Variants in EIF3B observed in about 807,000 individuals in gnomAD.
EIF3B encodes eukaryotic translation initiation factor 3 subunit 9.
A neutral mutation model predicts 104.6 loss-of-function variants in EIF3B; 10 were observed. The observed-to-expected ratio is 0.10, with a 90% CI of 0.06 to 0.16. The LOEUF (loss-of-function observed/expected upper bound fraction) is 0.16. Among genes scored for constraint, EIF3B ranks in the 10% least tolerant of loss-of-function variants. EIF3B has a pLI of 1.00. For synonymous variants in EIF3B, 542 were observed against 417.2 expected (o/e 1.30, Z -3.65); for missense variants, 1,014 against 1,087.9 (o/e 0.93, Z 0.96).
rs972399078 is a variant in EIF3B at position 2,355,404 on chromosome 7, C to A, written c.483C>A (p.Asp161Glu). The A allele has an allele frequency of 6.8e-7, 1 of 1,475,036 alleles. No individual in the cohort carries two copies. The highest frequency in any genetic ancestry group is 1.3e-5 in the South Asian group (1 of 77,266). 91.4% of individuals were successfully genotyped at this position (1,475,036 alleles called of 1,614,324 possible). A position where few individuals can be genotyped will look rare whatever the true frequency, so the allele number is the denominator to read the frequency against. ...TCAGCGACCCCGAGGACTTCGTGGA[C>A]GACGTGAGCGAGGAAGGTGAGGGCG... ...PSFSDPEDFV[D>E]DVSEEELLGD... is the part of the protein sequence containing the mutation. Residue 161 changes from aspartate to glutamate, a missense_variant, in exon 1 of 19, where the codon GAC becomes GAA. Transcript: ENST00000360876.
intron 6 of EIF3B, among the ~76,000 whole-genome samples, chr7:2,365,392 C>T (rs1356377940): frequency 6.6e-6 from 1 of 152,052 alleles, no homozygotes; most frequent in African/African-American, 2.4e-5. Flanking sequence ...GAACGGGGGC[C>T]ACTCTAGGGA....
In EIF3B at chr7:2,376,940, C is replaced by T. The variant is rs1159530715; in HGVS notation, c.2029-10C>T. 2 of 1,612,366 alleles carry T rather than the reference C, an allele frequency of 1.2e-6. No homozygotes were observed. The highest frequency in any genetic ancestry group is 2.7e-5 in the African/African-American group (2 of 74,876). The stretch of plus-strand genomic sequence containing the variant: ...CCTCTGTGTCCTGGTGTGTCCCTGC[C>T]CTGGCCTAGGTGGACAACGCGTACT... On this transcript the variant is annotated splice_polypyrimidine_tract_variant and intron_variant, in intron 14 of 18. Transcript: ENST00000360876.
Position 2,372,750 on chromosome 7 carries a change from G to C in EIF3B, c.1765G>C (p.Val589Leu), listed in dbSNP as rs750069365. 1 of 1,614,178 alleles carries C rather than the reference G, an allele frequency of 6.2e-7. No individual in the cohort carries two copies. Among genetic ancestry groups the C allele is most frequent in the Admixed American group, 1.7e-5 (1 of 60,022 alleles). Residue 589 changes from valine to leucine, a missense_variant, in exon 12 of 19, where the codon GTG (valine) becomes CTG (leucine). Around this residue, in one of 4 missense-constraint regions of EIF3B, gnomAD observed 266 missense variants for 324.0 expected, o/e 0.82. Transcript: ENST00000360876. ...VLHGEAPRIS[V>L]SFYHVKNNGK... ...GCACGGAGAGGCTCCGCGGATATCTGTGTCTTTCTACCACGTCAAAAACAA... is the reference window on the plus strand; with the variant it reads ...GCACGGAGAGGCTCCGCGGATATCTCTGTCTTTCTACCACGTCAAAAACAA...
chr7:2,364,714 A>G (rs1462769447), intron 6 of EIF3B, among the ~76,000 whole-genome samples, 185 bp downstream of exon 6: 1 of 152,194 alleles, frequency 6.6e-6, no homozygotes, highest in African/African-American at 2.4e-5. Context: ...TCTCCTATAC[A>G]GATATTTTTT....
intron 9 of EIF3B, among the ~76,000 whole-genome samples, chr7:2,368,041 C>A (rs1294910035): frequency 6.6e-6 from 1 of 151,404 alleles, no homozygotes; most frequent in African/African-American, 2.4e-5. Context: ...TGGGGTTTCA[C>A]TGTGTTGGCC....
chr7:2,370,134 A>G (rs979860322), intron 10 of EIF3B, among the ~76,000 whole-genome samples: 1 of 151,868 alleles, frequency 6.6e-6, no homozygotes, highest in Non-Finnish European at 1.5e-5. Flanking sequence ...TTATTTTTTT[A>G]TTTTTTTATT....
chr7:2,355,408 G>A lies in EIF3B; in HGVS notation c.487G>A (p.Val163Met). 1 of 1,472,010 alleles carries A rather than the reference G, an allele frequency of 6.8e-7. No homozygotes were observed. Among genetic ancestry groups the A allele is most frequent in the Non-Finnish European group, 9.0e-7 (1 of 1,111,696 alleles). The allele number at this position is 1,472,010 out of a possible 1,614,324, so 91.2% of individuals were successfully genotyped here. The change falls in exon 1 of 19, where the codon GTG (valine) becomes ATG (methionine). Residue 163 changes from valine to methionine, a missense_variant. This residue lies in a region of EIF3B where 488 missense variants were observed against 404.3 expected (regional missense o/e 1.21). Coordinates refer to ENST00000360876, the MANE Select transcript of EIF3B (RefSeq NM_001037283.2). ...FSDPEDFVDD[V>M]SEEELLGDVL... is the part of the protein sequence containing the mutation. ...CGACCCCGAGGACTTCGTGGACGACGTGAGCGAGGAAGGTGAGGGCGCCCG... is the reference window on the plus strand; with the variant it reads ...CGACCCCGAGGACTTCGTGGACGACATGAGCGAGGAAGGTGAGGGCGCCCG...
At chr7:2,375,229 G>T in intron 13 of EIF3B, 160 bp from the exon 14 acceptor site, 2 of 756,828 alleles carry the variant, frequency 2.6e-6, no homozygotes, top group East Asian at 2.5e-5. Context: ...CTGTGATTTG[G>T]TAAGTCTCAC....
chr7:2,380,263 G>A lies in EIF3B; in HGVS notation c.*74G>A, dbSNP rs754747525. On this transcript the variant is annotated 3_prime_UTR_variant, in exon 19 of 19. Transcript: ENST00000360876. ...TACAGGACTCCCGAGTGTGAGCCGCGGTTCCTCTGTTGCAGCGCAGCCGTG... is the reference window on the plus strand; with the variant it reads ...TACAGGACTCCCGAGTGTGAGCCGCAGTTCCTCTGTTGCAGCGCAGCCGTG... 14 of 492,634 alleles carry A rather than the reference G, an allele frequency of 2.8e-5. No individual in the cohort carries two copies. Among genetic ancestry groups the A allele is most frequent in the African/African-American group, 2.1e-4 (11 of 51,336 alleles). The allele number at this position is 492,634 out of a possible 1,614,324, so 30.5% of individuals were successfully genotyped here. A position where few individuals can be genotyped will look rare whatever the true frequency, so the allele number is the denominator to read the frequency against.
At position 2,362,627 on chromosome 7, in the gene EIF3B, C is replaced by G. The variant is rs755131262; in HGVS notation, c.693-18C>G. 1 of 1,613,834 alleles carries G rather than the reference C, an allele frequency of 6.2e-7. No homozygotes were observed. The highest frequency in any genetic ancestry group is 1.7e-5 in the Admixed American group (1 of 59,990). On this transcript the variant is annotated intron_variant, in intron 2 of 18. Transcript: ENST00000360876. ...GCCTTACAGTGTGGGTATGTGCCAA[C>G]GGCCCTCTCTCACTCAGGTATATTT...
intron 8 of EIF3B, 69 bp from the exon 9 acceptor site, chr7:2,366,930 A>G (rs1455070177): frequency 1.3e-6 from 2 of 1,513,744 alleles, no homozygotes; most frequent in Non-Finnish European, 1.8e-6. Flanking sequence ...CCTTTTGTAA[A>G]AAGTTAGGTG....
chr7:2,363,133 T>C lies in EIF3B; in HGVS notation c.870+6T>C, dbSNP rs1408650424. 3 of 1,613,550 alleles carry C rather than the reference T, an allele frequency of 1.9e-6. No homozygotes were observed. Among genetic ancestry groups the C allele is most frequent in the Admixed American group, 1.7e-5 (1 of 59,972 alleles). On this transcript the variant is annotated splice_donor_region_variant and intron_variant, in intron 4 of 18. Transcript: ENST00000360876. ...AACAGCCTTTCAAAGACCTGGTGAG[T>C]GGCCTGAAACCTACATCTCAGTGGT...
At chr7:2,371,635 G>A in intron 10 of EIF3B, 142 bp from the exon 11 acceptor site, 2 of 684,356 alleles carry the variant, frequency 2.9e-6, no homozygotes, top group Non-Finnish European at 5.2e-6. Context: ...CCTGAGGGCT[G>A]TGGCTTTCAT....
At chr7:2,374,223 G>T (rs368687053) in intron 12 of EIF3B, 3 of 271,336 alleles carry the variant, frequency 1.1e-5, no homozygotes, top group Admixed American at 9.1e-5. Context: ...ACATCTCTCT[G>T]TTGGGGTCCC....
intron 12 of EIF3B, chr7:2,373,375 G>GCC (rs1780462838): frequency 6.6e-6 from 1 of 152,402 alleles, no homozygotes; most frequent in African/African-American, 2.4e-5. Context: ...GATTGAATGA[G>GCC]CCATTGCTTG....
chr7:2,357,953 G>A (rs1240992029), intron 1 of EIF3B, among the ~76,000 whole-genome samples: 2 of 152,162 alleles, frequency 1.3e-5, no homozygotes, highest in Non-Finnish European at 2.9e-5. Flanking sequence ...GTTACCCTAG[G>A]ATTTGACTAG....
chr7:2,360,110 A>T (rs1332114722), intron 1 of EIF3B, among the ~76,000 whole-genome samples: 1 of 152,146 alleles, frequency 6.6e-6, no homozygotes, highest in Non-Finnish European at 1.5e-5. Flanking sequence ...CACGGCCTGA[A>T]AACATGAAAA....
At chr7:2,369,405 C>T (rs1316215791) in intron 9 of EIF3B, 67 bp from the exon 10 acceptor site, 13 of 1,533,456 alleles carry the variant, frequency 8.5e-6, no homozygotes, top group East Asian at 2.2e-5. Flanking sequence ...TTGTTCTATT[C>T]TCTTCTGCTT....
intron 1 of EIF3B, among the ~76,000 whole-genome samples, chr7:2,358,177 C>A (rs989039217): frequency 5.3e-5 from 8 of 152,266 alleles, no homozygotes; most frequent in Admixed American, 6.5e-5. Context: ...TCTGCCTCCC[C>A]GCTTCAAGCG....
Sources: allele counts gnomAD v4.1 joint callset (sites outside exome capture counted in the v4.1 genomes callset), GRCh38; gene constraint gnomAD v4.1.1; regional missense constraint gnomAD v4.1.1; transcripts MANE v1.5; gene names NCBI Gene and HGNC (gene_info 2026-07-23, HGNC 2026-07-21).